Variants in PRELID2 observed in about 807,000 individuals in gnomAD.
The protein encoded by PRELID2 is PRELI domain-containing protein 2.
PRELID2 carries 25 observed loss-of-function variants against 28.4 expected under a neutral mutation model. That is an observed-to-expected ratio of 0.88 (90% confidence interval 0.64 to 1.23). The LOEUF (loss-of-function observed/expected upper bound fraction) is 1.23. Ranked by LOEUF, PRELID2 falls within the 50% of genes most tolerant of loss-of-function variation. The pLI is 0.00. For synonymous variants in PRELID2, 76 were observed against 71.6 expected (o/e 1.06, Z -0.31); for missense variants, 201 against 214.4 (o/e 0.94, Z 0.39).
the PRELID2 span, among the ~76,000 whole-genome samples, chr5:145,255,274 T>C: frequency 6.6e-6 from 1 of 151,918 alleles, no homozygotes; most frequent in Non-Finnish European, 1.5e-5. Context: ...TATGAGACTT[T>C]AAAATAACTG....
chr5:145,763,527 C>T (rs774812739), intron 6 of PRELID2, among the ~76,000 whole-genome samples: 16 of 152,168 alleles, frequency 1.1e-4, no homozygotes, highest in African/African-American at 1.9e-4. Context: ...AAAGACTTTA[C>T]AATTCTCCGA....
intron 1 of PRELID2, among the ~76,000 whole-genome samples, chr5:145,700,725 A>C (rs1483527805): frequency 6.6e-6 from 1 of 152,164 alleles, no homozygotes; most frequent in Non-Finnish European, 1.5e-5. Flanking sequence ...GGGATCCCTG[A>C]GTGAACACTA....
chr5:145,388,088 G>A, the PRELID2 span, among the ~76,000 whole-genome samples: 4 of 152,072 alleles, frequency 2.6e-5, no homozygotes, highest in Non-Finnish European at 5.9e-5. Context: ...AAGAGATAAA[G>A]GATGAGGATG....
chr5:145,252,656 A>G, the PRELID2 span, among the ~76,000 whole-genome samples: 73 of 152,200 alleles, frequency 4.8e-4, no homozygotes, highest in African/African-American at 1.7e-3. Flanking sequence ...ATTTTTGGTG[A>G]CAGTTTCTGA....
chr5:145,258,650 T>C, the PRELID2 span, among the ~76,000 whole-genome samples: 1 of 152,212 alleles, frequency 6.6e-6, no homozygotes, highest in Non-Finnish European at 1.5e-5. Flanking sequence ...TTTGTTCATA[T>C]GCAAGAGCAA....
At chr5:145,654,903 A>G (rs1193538655) in intron 1 of PRELID2, among the ~76,000 whole-genome samples, 1 of 152,168 alleles carries the variant, frequency 6.6e-6, no homozygotes, top group Non-Finnish European at 1.5e-5. Context: ...GGCCAGGGCA[A>G]TCAGGCAGGA....
chr5:145,665,979 T>TC (rs1376995492), intron 1 of PRELID2, among the ~76,000 whole-genome samples: 1 of 124,032 alleles, frequency 8.1e-6, no homozygotes, highest in Non-Finnish European at 1.6e-5. Context: ...CAAACTTGTC[T>TC]TTTTTTTAAA....
At chr5:145,687,542 C>T (rs190797780) in intron 1 of PRELID2, among the ~76,000 whole-genome samples, 17 of 152,286 alleles carry the variant, frequency 1.1e-4, no homozygotes, top group African/African-American at 3.8e-4. Context: ...AATAAAAGTG[C>T]TATAAAGGAC....
At chr5:145,497,021 CTCAGT>C in intron 1 of PRELID2, among the ~76,000 whole-genome samples, 1 of 152,012 alleles carries the variant, frequency 6.6e-6, no homozygotes, top group Non-Finnish European at 1.5e-5. Flanking sequence ...TGCCACCATG[CTCAGT>C]TATTTGTTTT....
chr5:145,685,935 T>G (rs1308142977), intron 1 of PRELID2, among the ~76,000 whole-genome samples: 9 of 152,210 alleles, frequency 5.9e-5, no homozygotes, highest in African/African-American at 2.2e-4. Flanking sequence ...AAAAAGCTGC[T>G]TGACTTCTCT....
At chr5:145,536,336 G>T (rs1752698347) in intron 1 of PRELID2, among the ~76,000 whole-genome samples, 1 of 151,958 alleles carries the variant, frequency 6.6e-6, no homozygotes, top group Admixed American at 6.6e-5. Flanking sequence ...ATTACGAGCA[G>T]TAGAACTAGA....
intron 1 of PRELID2, among the ~76,000 whole-genome samples, chr5:145,727,502 C>T (rs1279183641): frequency 3.3e-5 from 5 of 152,162 alleles, no homozygotes; most frequent in Admixed American, 3.3e-4. Context: ...CAACATGCCC[C>T]CCTTTTCTTT....
chr5:145,569,100 G>A (rs1465553306), intron 1 of PRELID2, among the ~76,000 whole-genome samples: 1 of 152,204 alleles, frequency 6.6e-6, no homozygotes, highest in Non-Finnish European at 1.5e-5. Flanking sequence ...ATCCTCACCA[G>A]TTAAGACCCA....
At chr5:145,442,318 C>T in the PRELID2 span, among the ~76,000 whole-genome samples, 2 of 151,948 alleles carry the variant, frequency 1.3e-5, no homozygotes, top group Non-Finnish European at 2.9e-5. Context: ...TTCTGAATAC[C>T]TTTAGTTGTG....
chr5:145,382,576 T>G, the PRELID2 span, among the ~76,000 whole-genome samples: 1 of 151,946 alleles, frequency 6.6e-6, no homozygotes, highest in South Asian at 2.1e-4. Context: ...GTCTTTCAAG[T>G]AAAAGTGTGA....
intron 1 of PRELID2, among the ~76,000 whole-genome samples, chr5:145,542,927 CA>C (rs1752757194): frequency 6.6e-6 from 1 of 152,056 alleles, no homozygotes; most frequent in Admixed American, 6.6e-5. Flanking sequence ...CTCTGGCCTG[CA>C]GCCCTACTCA....
the PRELID2 span, among the ~76,000 whole-genome samples, chr5:145,358,091 T>C: frequency 1.4e-3 from 216 of 152,154 alleles, 1 homozygote; most frequent in Non-Finnish European, 2.4e-3. Context: ...TGGGGCTCCT[T>C]CAGGCAAGGG....
intron 1 of PRELID2, among the ~76,000 whole-genome samples, chr5:145,687,716 C>T (rs1755064098): frequency 6.6e-6 from 1 of 152,018 alleles, no homozygotes; most frequent in Non-Finnish European, 1.5e-5. Context: ...TTTTTAATGA[C>T]TAAATGAATA....
At chr5:145,415,826 T>C in the PRELID2 span, among the ~76,000 whole-genome samples, 12 of 152,010 alleles carry the variant, frequency 7.9e-5, no homozygotes, top group East Asian at 1.9e-4. Context: ...AAATCGTATT[T>C]CTAGTTCTAG....
Sources: allele counts gnomAD v4.1 joint callset (sites outside exome capture counted in the v4.1 genomes callset), GRCh38; gene constraint gnomAD v4.1.1; transcripts MANE v1.5; gene names NCBI Gene and HGNC (gene_info 2026-07-23, HGNC 2026-07-21).